Variants in OGFOD3 observed in about 807,000 individuals in gnomAD.
The protein encoded by OGFOD3 is 2-oxoglutarate and iron dependent oxygenase domain containing 3, also known as 2-oxoglutarate and iron-dependent oxygenase domain-containing protein 3.
In OGFOD3, 35 loss-of-function variants were observed where a neutral mutation model predicts 39.8. The observed-to-expected ratio is 0.88, with a 90% confidence interval of 0.67 to 1.17. OGFOD3 has a LOEUF of 1.17. Ranked by LOEUF, OGFOD3 falls within the 50% of genes most tolerant of loss-of-function variation. OGFOD3 has a pLI of 0.00. For synonymous variants in OGFOD3, 200 were observed against 192.0 expected, an observed-to-expected ratio of 1.04 and a Z score of -0.34; for missense variants, 438 against 454.5, an observed-to-expected ratio of 0.96 and a Z score of 0.33.
chr17:82,417,120 T>G (rs949778190), intron 1 of OGFOD3: 1 of 152,248 alleles, frequency 6.6e-6, no homozygotes, highest in Non-Finnish European at 1.5e-5. Flanking sequence ...AATAGATACA[T>G]GTATGTTTAT....
At chr17:82,402,604 G>A (rs1036699756) in intron 7 of OGFOD3, among the ~76,000 whole-genome samples, 68 of 152,056 alleles carry the variant, frequency 4.5e-4, no homozygotes, top group African/African-American at 1.5e-3. Flanking sequence ...AAAATTAGCC[G>A]AGCGTGGTGG....
intron 8 of OGFOD3, chr17:82,393,401 G>A (rs1599682792): frequency 6.6e-6 from 1 of 152,270 alleles, no homozygotes; most frequent in African/African-American, 2.4e-5. Context: ...CATCCCGGGT[G>A]TGCAGGGCAT....
At chr17:82,417,783 A>C (rs1325971775) in intron 1 of OGFOD3, among the ~76,000 whole-genome samples, 1 of 152,174 alleles carries the variant, frequency 6.6e-6, no homozygotes, top group Non-Finnish European at 1.5e-5. Context: ...TGTCCTCCTG[A>C]TATTTCTAAA....
chr17:82,404,128 CG>C lies in OGFOD3; in HGVS notation c.546-39del. Reference sequence around the variant, plus strand: ...CAATAGCCGTCAGCGCAGCCCCAGGCGGGAGGGGACGCTCGTGGGTCCCAAC... The same window carrying C: ...CAATAGCCGTCAGCGCAGCCCCAGGCGGAGGGGACGCTCGTGGGTCCCAAC... On this transcript the variant is annotated intron_variant, in intron 6 of 8. Coordinates refer to ENST00000313056, the MANE Select transcript of OGFOD3 (RefSeq NM_024648.3). The surrounding 1 kb of genome is among the most constrained non-coding windows in gnomAD (Gnocchi z 4.5). The C allele has an allele frequency of 6.6e-7, 1 of 1,525,878 alleles. No homozygotes were observed. The highest frequency in any genetic ancestry group is 8.8e-7 in the Non-Finnish European group (1 of 1,133,068). 94.5% of individuals were successfully genotyped at this position (1,525,878 alleles called of 1,614,324 possible).
At chr17:82,409,770 C>A (rs532452001) in intron 3 of OGFOD3, among the ~76,000 whole-genome samples, 1 of 152,282 alleles carries the variant, frequency 6.6e-6, no homozygotes, top group South Asian at 2.1e-4. Context: ...TGGCAGGTGC[C>A]TGTAATCCCA....
chr17:82,408,644 A>G (rs969693077), intron 4 of OGFOD3, among the ~76,000 whole-genome samples: 16 of 151,954 alleles, frequency 1.1e-4, no homozygotes, highest in African/African-American at 3.6e-4. Context: ...CGCCTCTTCC[A>G]TGGCCGCACT....
Position 82,415,237 on chromosome 17 carries a change from TGCA to T in OGFOD3, c.304+158_304+160del, listed in dbSNP as rs2053012718. ...AGTGATGGGCAGGGCGCGAAACACC[TGCA>T]CTCCCAGTCAGACGTGGACTAGCCA... On this transcript the variant is annotated intron_variant, in intron 2 of 8. Transcript: ENST00000313056. This position sits in a 1 kb window ranked among gnomAD's most constrained non-coding sequence, Gnocchi z 5.3. Among the ~76,000 whole-genome samples the T allele has an allele frequency of 6.6e-6, 1 of 152,120 alleles. No homozygotes were observed. The highest frequency in any genetic ancestry group is 2.4e-5 in the African/African-American group (1 of 41,406).
At position 82,406,359 on chromosome 17, in the gene OGFOD3, G is replaced by T; in HGVS notation, c.488+59C>A. The stretch of plus-strand genomic sequence containing the variant: ...GTGTCCACATGTCCATGGCTAAGAG[G>T]CACGGAGCCGCTCACTCGGCTTTCA... On this transcript the variant is annotated intron_variant, in intron 5 of 8. Coordinates refer to ENST00000313056, the MANE Select transcript of OGFOD3 (RefSeq NM_024648.3). The surrounding 1 kb of genome is among the most constrained non-coding windows in gnomAD (Gnocchi z 5.2). 1 of 1,478,916 alleles carries T rather than the reference G, an allele frequency of 6.8e-7. No individual in the cohort carries two copies. The allele number at this position is 1,478,916 out of a possible 1,614,324, so 91.6% of individuals were successfully genotyped here.
rs79956747 is a variant in OGFOD3 at position 82,401,803 on chromosome 17, C to CAAAAAAAAAA, written c.699+2124_699+2133dup. ...TGGGTGGCAGAGCAAGACTCCATCT[C>CAAAAAAAAAA]AAAAAAAAAAAAAAAAAAAACAAAG... On this transcript the variant is annotated intron_variant, in intron 7 of 8. Coordinates refer to ENST00000313056, the MANE Select transcript of OGFOD3 (RefSeq NM_024648.3). 2.0e-3 allele frequency among the ~76,000 whole-genome samples: 124 copies of CAAAAAAAAAA among 61,680 alleles called. 3 individuals carry two copies. The highest frequency in any genetic ancestry group is 5.4e-3 in the South Asian group (7 of 1,286). 40.5% of individuals were successfully genotyped at this position (61,680 alleles called of 152,430 possible).
At chr17:82,398,349 A>C (rs2052711407) in intron 7 of OGFOD3, 30 bp from the exon 8 acceptor site, 1 of 1,613,386 alleles carries the variant, frequency 6.2e-7, no homozygotes, top group Non-Finnish European at 8.5e-7. Flanking sequence ...GAGGGGGCAG[A>C]ATGGGCTCTC....
In OGFOD3 at chr17:82,392,428, G is replaced by T; in HGVS notation, c.930C>A (p.Asp310Glu). 6.2e-7 allele frequency: 1 copy of T among 1,612,652 alleles called. No individual in the cohort carries two copies. Among genetic ancestry groups the T allele is most frequent in the Non-Finnish European group, 8.5e-7 (1 of 1,179,642 alleles). The change falls in exon 9 of 9, where the codon GAC becomes GAA. Residue 310 changes from aspartate to glutamate, a missense_variant. Transcript: ENST00000313056. The surrounding 1 kb of genome is among the most constrained non-coding windows in gnomAD (Gnocchi z 4.2). ...AITIAFSCNPDHGIEDPAFP is the reference protein window; with the variant it reads ...AITIAFSCNPEHGIEDPAFP Reference sequence around the variant, plus strand: ...GGAACGCTGGGTCCTCGATGCCATGGTCGGGGTTGCAGCTGAAGGCGATGG... The same window carrying T: ...GGAACGCTGGGTCCTCGATGCCATGTTCGGGGTTGCAGCTGAAGGCGATGG...
At chr17:82,414,600 T>C (rs1487763112) in intron 2 of OGFOD3, among the ~76,000 whole-genome samples, 3 of 152,218 alleles carry the variant, frequency 2.0e-5, no homozygotes, top group Non-Finnish European at 2.9e-5. Context: ...AACACGTTCA[T>C]TTTCTTGACT....
intron 7 of OGFOD3, 43 bp downstream of exon 7, chr17:82,403,894 C>G (rs1349979947): frequency 6.4e-7 from 1 of 1,564,948 alleles, no homozygotes; most frequent in Non-Finnish European, 8.6e-7. Flanking sequence ...GGCACGCTCA[C>G]CTTGTCCACG....
At chr17:82,402,395 A>G (rs2052781066) in intron 7 of OGFOD3, among the ~76,000 whole-genome samples, 1 of 151,038 alleles carries the variant, frequency 6.6e-6, no homozygotes, top group Non-Finnish European at 1.5e-5. Flanking sequence ...AGATCACACA[A>G]CTGCACTCCA....
rs2094241856 is a variant in OGFOD3 at position 82,415,322 on chromosome 17, T to C, written c.304+76A>G. 1 of 1,432,094 alleles carries C rather than the reference T, an allele frequency of 7.0e-7. No homozygotes were observed. The highest frequency in any genetic ancestry group is 1.3e-5 in the South Asian group (1 of 79,512). 88.7% of individuals were successfully genotyped at this position (1,432,094 alleles called of 1,614,324 possible). ...CCCAAGCATACCACATCCAACCCAA[T>C]TCCCACCCCTTCGTCGCAGCCAATG... On this transcript the variant is annotated intron_variant, in intron 2 of 8. Coordinates refer to ENST00000313056, the MANE Select transcript of OGFOD3 (RefSeq NM_024648.3). The surrounding 1 kb of genome is among the most constrained non-coding windows in gnomAD (Gnocchi z 5.3).
In OGFOD3 at chr17:82,405,313, C is replaced by A. The variant is rs754074831; in HGVS notation, c.545+11G>T. Reference sequence around the variant, plus strand: ...CGCCTGCGAACCCCCACCCGCCTCACTCCTCCTTACCGGTATAACCGGAAG... The same window carrying A: ...CGCCTGCGAACCCCCACCCGCCTCAATCCTCCTTACCGGTATAACCGGAAG... On this transcript the variant is annotated intron_variant, in intron 6 of 8. Coordinates refer to ENST00000313056, the MANE Select transcript of OGFOD3 (RefSeq NM_024648.3). 3.7e-6 allele frequency: 6 copies of A among 1,613,084 alleles called. No homozygotes were observed. In the South Asian group the frequency reaches 6.6e-5, roughly 18 times the overall value.
In OGFOD3 at chr17:82,390,752, C is replaced by T. The variant is rs974313347; in HGVS notation, c.*1646G>A. On this transcript the variant is annotated 3_prime_UTR_variant, in exon 9 of 9. Coordinates refer to ENST00000313056, the MANE Select transcript of OGFOD3 (RefSeq NM_024648.3). This position sits in a 1 kb window ranked among gnomAD's most constrained non-coding sequence, Gnocchi z 4.9. The stretch of plus-strand genomic sequence containing the variant: ...GGTCACCATGCCTCAGCTGGCCTCA[C>T]GCCCGCTCCTTCCCAGGGGTCACCA... 3.4e-5 allele frequency: 6 copies of T among 176,500 alleles called. No homozygotes were observed. The highest frequency in any genetic ancestry group is 1.9e-4 in the East Asian group (1 of 5,182). The allele number at this position is 176,500 out of a possible 1,614,324, so 10.9% of individuals were successfully genotyped here. A position where few individuals can be genotyped will look rare whatever the true frequency, so the allele number is the denominator to read the frequency against.
intron 3 of OGFOD3, among the ~76,000 whole-genome samples, chr17:82,411,122 C>T (rs1406649264): frequency 2.6e-5 from 4 of 151,702 alleles, no homozygotes; most frequent in African/African-American, 9.7e-5. Context: ...TCTTGGCTCA[C>T]TGCAACCTCT....
intron 3 of OGFOD3, among the ~76,000 whole-genome samples, chr17:82,410,852 G>A (rs1255281422): frequency 6.6e-6 from 1 of 150,444 alleles, no homozygotes; most frequent in Admixed American, 6.7e-5. Context: ...CTGAGTAGCT[G>A]GGATTACAGG....
Sources: allele counts gnomAD v4.1 joint callset (sites outside exome capture counted in the v4.1 genomes callset), GRCh38; gene constraint gnomAD v4.1.1; non-coding constraint Gnocchi (gnomAD v3.1); transcripts MANE v1.5; gene names NCBI Gene and HGNC (gene_info 2026-07-23, HGNC 2026-07-21).